Variants in BCCIP observed in about 807,000 individuals in gnomAD.
BCCIP encodes BRCA2 and CDKN1A interacting protein, also known as BRCA2 and CDKN1A-interacting protein.
A neutral mutation model predicts 32.8 loss-of-function variants in BCCIP; 23 were observed. That is an observed-to-expected ratio of 0.70 (90% CI 0.51 to 0.99). The LOEUF is 0.99. Among genes scored for constraint, BCCIP ranks in the 50% least tolerant of loss-of-function variants. BCCIP has a pLI of 0.00. For missense variants in BCCIP, 378 were observed against 379.8 expected (o/e 1.00, Z 0.04); for synonymous variants, 144 against 137.6 (o/e 1.05, Z -0.33).
At chr10:125,839,554 A>G (rs1159455941), downstream of BCCIP, among the ~76,000 whole-genome samples, 4 of 152,236 alleles carry the variant, frequency 2.6e-5, no homozygotes, top group Non-Finnish European at 5.9e-5. Context: ...TGCATACAGC[A>G]TGTATGTATG....
chr10:125,840,159 C>G (rs1589702378), downstream of BCCIP, among the ~76,000 whole-genome samples: 2 of 152,342 alleles, frequency 1.3e-5, no homozygotes, highest in South Asian at 2.1e-4. Flanking sequence ...ATGGGTGGCT[C>G]TAGCCTCTGC....
downstream of BCCIP, chr10:125,836,841 A>T: frequency 6.2e-7 from 1 of 1,614,104 alleles, no homozygotes; most frequent in Non-Finnish European, 8.5e-7. Flanking sequence ...GTATTGTGGT[A>T]CCAGCTGCAT....
chr10:125,851,920 CAAAAAAA>C (rs56380138), intron 7 of BCCIP, among the ~76,000 whole-genome samples: 2 of 86,788 alleles, frequency 2.3e-5, no homozygotes, highest in Non-Finnish European at 4.4e-5. Context: ...GACCCTGTCT[CAAAAAAA>C]AAAAAAAAAA....
chr10:125,850,578 C>T (rs1448999176), intron 7 of BCCIP, among the ~76,000 whole-genome samples: 4 of 152,044 alleles, frequency 2.6e-5, no homozygotes, highest in African/African-American at 9.7e-5. Context: ...TGGTCTTGAA[C>T]TCCTGACCTG....
chr10:125,841,679 C>T (rs1854882740), exon 7 of BCCIP: 1 of 1,561,962 alleles, frequency 6.4e-7, no homozygotes, highest in Non-Finnish European at 8.6e-7. Context: ...TCAAATGGAT[C>T]CGATCTAAAT....
At chr10:125,828,252 A>T (rs905452824) in intron 3 of BCCIP, among the ~76,000 whole-genome samples, 1 of 152,188 alleles carries the variant, frequency 6.6e-6, no homozygotes, top group African/African-American at 2.4e-5. Flanking sequence ...CAGGATAACA[A>T]ACATGGAGGA....
Position 125,833,907 on chromosome 10 carries a change from G to A in BCCIP, c.735G>A (p.Ala245=), listed in dbSNP as rs140341325. ...KKKPSNKKKA[A]LMFANAEEEF... ...AACCTAGCAACAAAAAGAAAGCTGC[G>A]TTAATGTTTGCAAATGCAGAGGAAG... The change falls in exon 6 of 7, where the codon GCG becomes GCA. Residue 245 remains alanine, a synonymous_variant. Transcript: ENST00000278100. The A allele has an allele frequency of 1.5e-5, 24 of 1,614,234 alleles. No individual in the cohort carries two copies. The highest frequency in any genetic ancestry group is 3.3e-5 in the Admixed American group (2 of 60,024).
At chr10:125,841,186 T>C, downstream of BCCIP, 1 of 1,448,090 alleles carries the variant, frequency 6.9e-7, no homozygotes, top group African/African-American at 1.4e-5. Context: ...TCCCTCTCCT[T>C]TTGTGTGTGT....
chr10:125,845,908 T>C (rs1944010413), downstream of BCCIP, among the ~76,000 whole-genome samples: 1 of 152,104 alleles, frequency 6.6e-6, no homozygotes, highest in Non-Finnish European at 1.5e-5. Context: ...GCCCGTGACA[T>C]GGAAGGAAAC....
chr10:125,833,313 T>C (rs2134012944), intron 5 of BCCIP, among the ~76,000 whole-genome samples: 1 of 152,330 alleles, frequency 6.6e-6, no homozygotes, highest in South Asian at 2.1e-4. Flanking sequence ...CTGCAGTATG[T>C]CAGAAATTAG....
At chr10:125,846,717 A>G (rs1018425477), downstream of BCCIP, among the ~76,000 whole-genome samples, 3 of 152,208 alleles carry the variant, frequency 2.0e-5, no homozygotes, top group Non-Finnish European at 2.9e-5. Flanking sequence ...GTGCCACGTG[A>G]CAACACCACA....
In BCCIP at chr10:125,830,656, G is replaced by A. The variant is rs1253651711; in HGVS notation, c.411+5G>A. The A allele has an allele frequency of 1.3e-6, 2 of 1,572,776 alleles. No homozygotes were observed. The highest frequency in any genetic ancestry group is 1.7e-6 in the Non-Finnish European group (2 of 1,147,442). ...TTAAATTTAACTGAAAGAAAGGTTG[G>A]TTTCACTGGATGGCATCTGAATGGT... On this transcript the variant is annotated splice_donor_5th_base_variant and intron_variant, in intron 4 of 6. Transcript: ENST00000278100.
chr10:125,832,987 T>C (rs1053105894), intron 5 of BCCIP, among the ~76,000 whole-genome samples: 5 of 151,716 alleles, frequency 3.3e-5, no homozygotes, highest in African/African-American at 1.2e-4. Flanking sequence ...CCGGGTATGG[T>C]GGTGCAGACC....
At chr10:125,844,400 A>T (rs1440082440), downstream of BCCIP, among the ~76,000 whole-genome samples, 1 of 152,216 alleles carries the variant, frequency 6.6e-6, no homozygotes, top group Non-Finnish European at 1.5e-5. Context: ...CCCAAAGGGC[A>T]CCTACTATTC....
At chr10:125,845,553 C>T (rs2134033987), downstream of BCCIP, among the ~76,000 whole-genome samples, 1 of 152,348 alleles carries the variant, frequency 6.6e-6, no homozygotes, top group Admixed American at 6.5e-5. Context: ...CTCCTGGTAA[C>T]CAGTCCCCAA....
intron 7 of BCCIP, among the ~76,000 whole-genome samples, chr10:125,851,446 T>G (rs1172093380): frequency 6.6e-6 from 1 of 152,036 alleles, no homozygotes; most frequent in Non-Finnish European, 1.5e-5. Context: ...CACCAAGCCT[T>G]CCTTTTCTTC....
chr10:125,852,547 A>G (rs1480640798), intron 7 of BCCIP: 1 of 1,613,420 alleles, frequency 6.2e-7, no homozygotes, highest in Admixed American at 1.7e-5. Context: ...CACTACCTGA[A>G]GAAGATGAGC....
rs893072108 is a variant in BCCIP, at chr10:125,852,459, A to G, written c.851-666A>G. On this transcript the variant is annotated intron_variant, in intron 7 of 7. Coordinates refer to the BCCIP transcript ENST00000368759. ...ACAGGCAGAAAAATTTTCCTAAAAG[A>G]CACCAAGAAAAATGGCTTTAATATT... is the stretch of plus-strand genomic sequence containing the variant. The G allele has an allele frequency of 6.3e-5, 102 of 1,613,680 alleles. No homozygotes were observed. Among genetic ancestry groups the G allele is most frequent in the Non-Finnish European group, 8.3e-5 (98 of 1,179,930 alleles).
downstream of BCCIP, chr10:125,839,025 A>T: frequency 6.2e-7 from 1 of 1,614,038 alleles, no homozygotes. Context: ...CGGACAGAAG[A>T]GCTTTCTTTA....
Sources: allele counts gnomAD v4.1 joint callset (sites outside exome capture counted in the v4.1 genomes callset), GRCh38; gene constraint gnomAD v4.1.1; transcripts MANE v1.5; gene names NCBI Gene and HGNC (gene_info 2026-07-23, HGNC 2026-07-21).